The following CHCHD6 variants were observed in gnomAD, a reference collection of about 807,000 sequenced individuals.
CHCHD6 encodes the protein coiled-coil-helix-coiled-coil-helix domain containing 6.
Under a neutral mutation model 32.3 loss-of-function variants are expected in CHCHD6, and 28 were observed. The observed-to-expected ratio is 0.87, with a 90% CI of 0.64 to 1.19. The LOEUF (loss-of-function observed/expected upper bound fraction) is 1.19. Ranked by LOEUF, CHCHD6 falls within the 50% of genes most tolerant of loss-of-function variation. CHCHD6 has a pLI of 0.00. For synonymous variants in CHCHD6, 122 were observed against 117.5 expected (o/e 1.04, Z -0.25); for missense variants, 333 against 307.0 (o/e 1.08, Z -0.63).
rs964577554 is a variant in CHCHD6 at position 126,860,690 on chromosome 3, A to G, written c.495+7960A>G. ...CCTTTTTTTTAGTAATGGTACCACC[A>G]TGAAAGCTACCATTTTGTGTGTTCT... On this transcript the variant is annotated intron_variant, in intron 5 of 7. Coordinates refer to ENST00000290913, the MANE Select transcript of CHCHD6 (RefSeq NM_032343.3). 3.3e-4 allele frequency among the ~76,000 whole-genome samples: 51 copies of G among 152,320 alleles called. 1 individual carries two copies. The highest frequency in any genetic ancestry group is 1.2e-3 in the African/African-American group (48 of 41,582).
At chr3:126,765,172 T>C (rs1352568351) in intron 4 of CHCHD6, among the ~76,000 whole-genome samples, 5 of 152,176 alleles carry the variant, frequency 3.3e-5, no homozygotes, top group Non-Finnish European at 7.3e-5. Context: ...TATTTAACTT[T>C]CCCATCTACC....
intron 4 of CHCHD6, among the ~76,000 whole-genome samples, chr3:126,841,290 CATT>C (rs1426778805): frequency 2.0e-5 from 3 of 152,108 alleles, no homozygotes; most frequent in South Asian, 2.1e-4. Flanking sequence ...AATCCAGTCT[CATT>C]GTTGGACATT....
At chr3:126,808,471 C>G (rs751912477) in intron 4 of CHCHD6, among the ~76,000 whole-genome samples, 1 of 152,040 alleles carries the variant, frequency 6.6e-6, no homozygotes, top group Admixed American at 6.6e-5. Context: ...TGGGAAGGAA[C>G]TTCAAAATGT....
At chr3:126,908,848 CATT>C (rs1028126480) in intron 5 of CHCHD6, among the ~76,000 whole-genome samples, 92 of 152,330 alleles carry the variant, frequency 6.0e-4, no homozygotes, top group African/African-American at 2.2e-3. Context: ...GAGGTTCTGT[CATT>C]GTTGTCATTT....
chr3:126,749,058 A>G (rs979055643), intron 4 of CHCHD6, among the ~76,000 whole-genome samples: 6 of 152,066 alleles, frequency 3.9e-5, no homozygotes, highest in African/African-American at 1.4e-4. Context: ...AAGAATGAGG[A>G]GGGGGAGCTC....
At chr3:126,711,582 ATCCCAGACC>A (rs1559797910) in intron 1 of CHCHD6, among the ~76,000 whole-genome samples, 1 of 152,218 alleles carries the variant, frequency 6.6e-6, no homozygotes, top group Non-Finnish European at 1.5e-5. Flanking sequence ...GAAACAGAAG[ATCCCAGACC>A]TGGACTTATG....
At chr3:126,848,978 C>G (rs368830363) in intron 4 of CHCHD6, among the ~76,000 whole-genome samples, 1 of 152,194 alleles carries the variant, frequency 6.6e-6, no homozygotes, top group Admixed American at 6.5e-5. Flanking sequence ...CAGTGCAGGA[C>G]GAGGTCTGAT....
chr3:126,848,552 G>T (rs1244568928), intron 4 of CHCHD6, among the ~76,000 whole-genome samples: 2 of 152,076 alleles, frequency 1.3e-5, no homozygotes, highest in East Asian at 1.9e-4. Flanking sequence ...ATTATTTTTG[G>T]TATGCAATAG....
At chr3:126,815,194 G>A (rs940782803) in intron 4 of CHCHD6, among the ~76,000 whole-genome samples, 1 of 152,114 alleles carries the variant, frequency 6.6e-6, no homozygotes, top group African/African-American at 2.4e-5. Context: ...AATATCCTAA[G>A]CCCTTTTATT....
At chr3:126,841,264 T>C (rs1244435556) in intron 4 of CHCHD6, among the ~76,000 whole-genome samples, 1 of 152,218 alleles carries the variant, frequency 6.6e-6, no homozygotes, top group Non-Finnish European at 1.5e-5. Context: ...ATGGTGTATA[T>C]GTGCCACATT....
At chr3:126,864,165 C>T (rs886363742) in intron 5 of CHCHD6, among the ~76,000 whole-genome samples, 4 of 142,266 alleles carry the variant, frequency 2.8e-5, no homozygotes, top group African/African-American at 7.9e-5. Flanking sequence ...CCTTCTCCAC[C>T]ATCACCACCT....
chr3:126,893,174 G>T (rs1053856362), intron 5 of CHCHD6, among the ~76,000 whole-genome samples: 2 of 152,058 alleles, frequency 1.3e-5, no homozygotes, highest in African/African-American at 4.8e-5. Flanking sequence ...TGCCAAGCTG[G>T]TCTCGAACTC....
At chr3:126,730,516 C>T (rs1935742850) in intron 2 of CHCHD6, 45 bp from the exon 3 acceptor site, 1 of 1,555,566 alleles carries the variant, frequency 6.4e-7, no homozygotes, top group South Asian at 1.1e-5. Context: ...ACTTCGTGGA[C>T]CCTGGGGTGC....
At chr3:126,787,899 G>A (rs1181267508) in intron 4 of CHCHD6, among the ~76,000 whole-genome samples, 1 of 152,138 alleles carries the variant, frequency 6.6e-6, no homozygotes, top group Non-Finnish European at 1.5e-5. Context: ...TCCCTGTCTT[G>A]TGCCAGTTTT....
intron 6 of CHCHD6, among the ~76,000 whole-genome samples, chr3:126,938,650 A>G (rs1455344324): frequency 6.6e-6 from 1 of 152,218 alleles, no homozygotes; most frequent in South Asian, 2.1e-4. Flanking sequence ...CCCAGTAACT[A>G]TAAGATGTTC....
At chr3:126,805,477 A>C (rs1939321609) in intron 4 of CHCHD6, among the ~76,000 whole-genome samples, 1 of 152,188 alleles carries the variant, frequency 6.6e-6, no homozygotes, top group Non-Finnish European at 1.5e-5. Context: ...TAAAATACTT[A>C]GGAATCCAAC....
chr3:126,715,380 G>A (rs1399934031), intron 1 of CHCHD6, among the ~76,000 whole-genome samples: 1 of 152,200 alleles, frequency 6.6e-6, no homozygotes, highest in African/African-American at 2.4e-5. Context: ...TATGCTCTAG[G>A]AACGGCAAGT....
At chr3:126,783,875 A>G (rs1037474695) in intron 4 of CHCHD6, among the ~76,000 whole-genome samples, 1 of 152,066 alleles carries the variant, frequency 6.6e-6, no homozygotes, top group African/African-American at 2.4e-5. Flanking sequence ...ACAAACTGGG[A>G]TTAAATTCAT....
intron 6 of CHCHD6, among the ~76,000 whole-genome samples, chr3:126,952,857 C>T (rs1480416407): frequency 6.6e-6 from 1 of 152,126 alleles, no homozygotes; most frequent in Non-Finnish European, 1.5e-5. Context: ...TCTGTGGTCT[C>T]AGCCGACAGG....
Sources: gnomAD v4.1 joint callset for allele counts (sites outside exome capture counted in the v4.1 genomes callset) on GRCh38, gnomAD v4.1.1 for gene constraint, MANE v1.5 for transcripts, NCBI Gene and HGNC (gene_info 2026-07-23, HGNC 2026-07-21) for gene names.